The following RAPGEFL1 variants were observed in gnomAD, a reference collection of about 807,000 sequenced individuals.
RAPGEFL1 encodes the protein rap guanine nucleotide exchange factor-like 1.
In RAPGEFL1, 31 loss-of-function variants were observed where a neutral mutation model predicts 64.4. The observed-to-expected ratio is 0.48, with a 90% CI of 0.36 to 0.65. RAPGEFL1 has a LOEUF of 0.65. Ranked by LOEUF, RAPGEFL1 falls within the 30% of genes least tolerant of loss-of-function variation. The probability of loss-of-function intolerance (pLI) is 0.00; values close to 1 mark genes in which losing one functional copy is unlikely to be tolerated. For synonymous variants in RAPGEFL1, 331 were observed against 274.1 expected (o/e 1.21, Z -2.05); for missense variants, 682 against 677.4 (o/e 1.01, Z -0.08).
At chr17:40,193,487 TC>T in intron 14 of RAPGEFL1, 70 bp downstream of exon 14, 1 of 1,590,470 alleles carries the variant, frequency 6.3e-7, no homozygotes, top group Non-Finnish European at 8.6e-7. Context: ...AGGGGAGAAC[TC>T]CCTGTCCAGA....
chr17:40,192,141 T>C lies in RAPGEFL1; in HGVS notation c.1606-72T>C, dbSNP rs1392660083. 2.1e-6 allele frequency: 3 copies of C among 1,440,382 alleles called. No individual in the cohort carries two copies. In the East Asian group the frequency reaches 6.9e-5, roughly 33 times the overall value. 89.2% of individuals were successfully genotyped at this position (1,440,382 alleles called of 1,614,324 possible). On this transcript the variant is annotated intron_variant, in intron 10 of 14. Coordinates refer to ENST00000620260, the MANE Select transcript of RAPGEFL1 (RefSeq NM_016339.6). ...CCCTTTTGCCCTCCAACAGGGAGAA[T>C]TAATCCGAGGCTCCCATGTAACCCA...
chr17:40,182,606 G>A (rs529168493), intron 2 of RAPGEFL1, among the ~76,000 whole-genome samples: 38 of 152,302 alleles, frequency 2.5e-4, no homozygotes, highest in Non-Finnish European at 4.3e-4. Flanking sequence ...GAGCCACTGC[G>A]CCCAGCCAAG....
rs749019805 is a variant in RAPGEFL1 at position 40,191,446 on chromosome 17, C to T, written c.1466C>T (p.Pro489Leu). The part of the protein sequence containing the change: ...VATEVLLCEA[P>L]GKRAQLLKKF... Reference sequence around the variant, plus strand: ...ACCGAAGTGCTGCTCTGCGAGGCCCCGGGCAAGCGCGCGCAGCTGCTCAAG... The same window carrying T: ...ACCGAAGTGCTGCTCTGCGAGGCCCTGGGCAAGCGCGCGCAGCTGCTCAAG... Residue 489 changes from proline (P) to leucine (L), a missense_variant, in exon 9 of 15, where the codon CCG becomes CTG. Transcript: ENST00000620260. The surrounding 1 kb of genome is among the most constrained non-coding windows in gnomAD (Gnocchi z 5.1). 5 of 1,606,994 alleles carry T rather than the reference C, an allele frequency of 3.1e-6. No individual in the cohort carries two copies. In the Admixed American group the frequency reaches 5.0e-5, roughly 16 times the overall value.
Position 40,192,713 on chromosome 17 carries a change from G to C in RAPGEFL1, c.1744+20G>C, listed in dbSNP as rs1224096567. The stretch of plus-strand genomic sequence containing the variant: ...TCAAAGGTGAGAGAGTTACTCCCAA[G>C]CTGTGCCGCTTCCACCCATGCTTCC... On this transcript the variant is annotated intron_variant, in intron 12 of 14. Transcript: ENST00000620260. 6.3e-7 allele frequency: 1 copy of C among 1,597,058 alleles called. No homozygotes were observed.
chr17:40,190,856 C>G (rs919054413), intron 8 of RAPGEFL1, 94 bp downstream of exon 8: 4 of 1,545,042 alleles, frequency 2.6e-6, no homozygotes, highest in Non-Finnish European at 3.5e-6. Flanking sequence ...GGTTCCAAGG[C>G]TCACTTGCAG....
At chr17:40,180,877 T>C (rs1989873693) in intron 1 of RAPGEFL1, among the ~76,000 whole-genome samples, 1 of 152,178 alleles carries the variant, frequency 6.6e-6, no homozygotes, top group African/African-American at 2.4e-5. Context: ...CCCTGCACCT[T>C]GTCTGTCTGT....
chr17:40,184,153 A>C, intron 2 of RAPGEFL1, 61 bp from the exon 3 acceptor site: 1 of 1,256,846 alleles, frequency 8.0e-7, no homozygotes, highest in Non-Finnish European at 1.2e-6. Context: ...CTAGCCTCCC[A>C]TCTTTCTTCT....
chr17:40,189,398 C>G (rs1239117643), intron 6 of RAPGEFL1, 23 bp downstream of exon 6: 10 of 1,612,324 alleles, frequency 6.2e-6, no homozygotes, highest in Non-Finnish European at 7.6e-6. Context: ...AAGAACTGGG[C>G]TGATGCTCCG....
At chr17:40,181,780 C>T (rs1223000302) in intron 2 of RAPGEFL1, 86 bp downstream of exon 2, 3 of 682,240 alleles carry the variant, frequency 4.4e-6, no homozygotes, top group African/African-American at 3.5e-5. Context: ...CCTAAACTCT[C>T]CCCTAGGAAA....
Position 40,178,288 on chromosome 17 carries a change from G to A in RAPGEFL1, c.427G>A (p.Ala143Thr), listed in dbSNP as rs750140267. 2 of 643,918 alleles carry A rather than the reference G, an allele frequency of 3.1e-6. No homozygotes were observed. The highest frequency in any genetic ancestry group is 1.6e-5 in the South Asian group (1 of 61,502). The allele number at this position is 643,918 out of a possible 1,614,324, so 39.9% of individuals were successfully genotyped here. A position where few individuals can be genotyped will look rare whatever the true frequency, so the allele number is the denominator to read the frequency against. ...CGAGCCCTTGACTTCGCCGCCCTGG[G>A]CCCCTCTGGGCGCCCCCGAGCGGCC... ...PGEPLTSPPW[A>T]PLGAPERPEH... The change falls in exon 1 of 15, where the codon GCC (alanine) becomes ACC (threonine). Residue 143 changes from alanine to threonine, a missense_variant. Ala to Thr is a moderately conservative substitution (Grantham distance 58). Around this residue, in one of 2 missense-constraint regions of RAPGEFL1, gnomAD observed 271 missense variants for 158.0 expected, o/e 1.72. Coordinates refer to ENST00000620260, the MANE Select transcript of RAPGEFL1 (RefSeq NM_016339.6).
At chr17:40,177,385 CGT>C (rs1448555805), upstream of RAPGEFL1, 51 of 492,604 alleles carry the variant, frequency 1.0e-4, no homozygotes, top group East Asian at 2.8e-3. Flanking sequence ...GTTCAAGCCT[CGT>C]GCGGCGCGGG....
intron 3 of RAPGEFL1, 54 bp downstream of exon 3, chr17:40,184,403 G>A: frequency 6.6e-7 from 1 of 1,505,652 alleles, no homozygotes; most frequent in Non-Finnish European, 9.0e-7. Flanking sequence ...CTGGAAGGGG[G>A]CCCCTGTGAA....
intron 13 of RAPGEFL1, 85 bp from the exon 14 acceptor site, chr17:40,193,278 G>A: frequency 7.0e-7 from 1 of 1,423,126 alleles, no homozygotes; most frequent in Non-Finnish European, 9.9e-7. Flanking sequence ...GAGTAAAGCA[G>A]AGTGGGAGAA....
chr17:40,189,174 C>T (rs766771389), intron 5 of RAPGEFL1, 34 bp from the exon 6 acceptor site: 4 of 1,608,304 alleles, frequency 2.5e-6, no homozygotes, highest in Non-Finnish European at 2.6e-6. Context: ...CCACTCTGCC[C>T]TCTGTTGAAA....
chr17:40,190,863 G>A, intron 8 of RAPGEFL1, 101 bp downstream of exon 8: 1 of 1,531,630 alleles, frequency 6.5e-7, no homozygotes, highest in Non-Finnish European at 8.8e-7. Context: ...AGGCTCACTT[G>A]CAGCAAGCCC....
In RAPGEFL1 at chr17:40,192,900, C is replaced by T. The variant is rs549351262; in HGVS notation, c.1745-26C>T. On this transcript the variant is annotated intron_variant, in intron 12 of 14. Coordinates refer to ENST00000620260, the MANE Select transcript of RAPGEFL1 (RefSeq NM_016339.6). ...GAACTCCTCTCTTATCCTTTCCTCACATTGGATTCTCTCCACATCCCCTAG... is the reference window on the plus strand; with the variant it reads ...GAACTCCTCTCTTATCCTTTCCTCATATTGGATTCTCTCCACATCCCCTAG... 8.2e-6 allele frequency: 13 copies of T among 1,588,324 alleles called. No individual in the cohort carries two copies. In the South Asian group the frequency reaches 1.1e-4, roughly 13 times the overall value.
chr17:40,188,190 C>G (rs556222754), intron 4 of RAPGEFL1, among the ~76,000 whole-genome samples: 6 of 152,104 alleles, frequency 3.9e-5, no homozygotes, highest in Non-Finnish European at 8.8e-5. Context: ...GCTGGGATTA[C>G]AGGTGTGAGC....
At position 40,193,715 on chromosome 17, in the gene RAPGEFL1, G is replaced by A. The variant is rs149405029; in HGVS notation, c.1916G>A (p.Arg639His). The A allele has an allele frequency of 6.2e-6, 10 of 1,614,000 alleles. No individual in the cohort carries two copies. Among genetic ancestry groups the A allele is most frequent in the Admixed American group, 1.7e-5 (1 of 59,992 alleles). Residue 639 changes from arginine (R) to histidine (H), a missense_variant, in exon 15 of 15, where the codon CGC becomes CAC. Arg to His is a conservative substitution (Grantham distance 29). Coordinates refer to ENST00000620260, the MANE Select transcript of RAPGEFL1 (RefSeq NM_016339.6). ...PNHLQTKAYV[R>H]QFQVIDNQNL... ...CACCTGCAGACCAAGGCCTATGTGC[G>A]CCAGTTTCAGGTCATCGACAACCAG...
chr17:40,193,567 A>T (rs745750442), intron 14 of RAPGEFL1, 97 bp from the exon 15 acceptor site: 1 of 1,598,264 alleles, frequency 6.3e-7, no homozygotes, highest in Admixed American at 1.7e-5. Flanking sequence ...CCTGCCCAAC[A>T]TCTGTCTCAG....
Sources: gnomAD v4.1 joint callset for allele counts (sites outside exome capture counted in the v4.1 genomes callset) on GRCh38, gnomAD v4.1.1 for gene constraint, gnomAD v4.1.1 regional missense constraint, Gnocchi (gnomAD v3.1) non-coding constraint, MANE v1.5 for transcripts, NCBI Gene and HGNC (gene_info 2026-07-23, HGNC 2026-07-21) for gene names.